CSMD3: variants seen among roughly 807,000 people sequenced by gnomAD.
CSMD3 encodes CUB and Sushi multiple domains 3.
CSMD3 carries 177 observed loss-of-function variants against 435.2 expected under a neutral mutation model. That is an observed-to-expected ratio of 0.41 (90% CI 0.36 to 0.46). The LOEUF (loss-of-function observed/expected upper bound fraction) is 0.46, where lower values mean the gene tolerates loss of function less well. CSMD3 is among the 20% of genes least tolerant of loss of function. The probability of loss-of-function intolerance (pLI) is 0.34; values close to 1 mark genes in which losing one functional copy is unlikely to be tolerated. For missense variants in CSMD3, 4,265 were observed against 4,504.6 expected (o/e 0.95, Z 1.52); for synonymous variants, 1,656 against 1,520.5 (o/e 1.09, Z -2.07).
intron 1 of CSMD3, chr8:113,377,231 C>A (rs960703002): frequency 5.9e-6 from 5 of 840,450 alleles, no homozygotes; most frequent in Non-Finnish European, 7.7e-6. Flanking sequence ...AAGGGCCAGC[C>A]GAGGATACAA....
chr8:113,110,531 C>T (rs899253827), intron 4 of CSMD3, among the ~76,000 whole-genome samples: 7 of 152,186 alleles, frequency 4.6e-5, no homozygotes, highest in African/African-American at 1.7e-4. Context: ...TAATGTCCAT[C>T]TGAGACCTCA....
chr8:112,970,291 T>G (rs953308882), intron 7 of CSMD3, among the ~76,000 whole-genome samples: 1 of 149,804 alleles, frequency 6.7e-6, no homozygotes, highest in African/African-American at 2.5e-5. Context: ...TATTTTAAGT[T>G]AAATATTAAC....
At chr8:113,378,845 A>G (rs1469945172) in intron 1 of CSMD3, among the ~76,000 whole-genome samples, 2 of 151,902 alleles carry the variant, frequency 1.3e-5, no homozygotes, top group Admixed American at 6.6e-5. Flanking sequence ...AACATTCTTC[A>G]GTGCAGAAGA....
At chr8:113,054,065 T>G (rs2088211440) in intron 5 of CSMD3, among the ~76,000 whole-genome samples, 1 of 152,200 alleles carries the variant, frequency 6.6e-6, no homozygotes, top group Non-Finnish European at 1.5e-5. Context: ...TAGAACTATA[T>G]GGAAAACTTT....
intron 2 of CSMD3, among the ~76,000 whole-genome samples, chr8:113,302,971 G>A (rs1375642400): frequency 2.6e-5 from 3 of 115,718 alleles, no homozygotes; most frequent in Non-Finnish European, 5.2e-5. Flanking sequence ...AAGTCAAATT[G>A]TCCCTGTTTG....
chr8:113,111,806 G>C (rs1286909013), intron 4 of CSMD3, among the ~76,000 whole-genome samples: 1 of 152,068 alleles, frequency 6.6e-6, no homozygotes, highest in Non-Finnish European at 1.5e-5. Flanking sequence ...TCAGCTTGCT[G>C]AGTAGCTGAG....
chr8:113,301,324 G>A (rs1048092510), intron 2 of CSMD3, among the ~76,000 whole-genome samples: 5 of 152,028 alleles, frequency 3.3e-5, no homozygotes, highest in Admixed American at 2.6e-4. Flanking sequence ...TATAGTAATA[G>A]AGAATATAGA....
rs572028011 is a variant in CSMD3 at position 112,450,325 on chromosome 8, A to G, written c.5395+22266T>C. Among the ~76,000 whole-genome samples, 6 of 152,308 alleles carry G rather than the reference A, an allele frequency of 3.9e-5. No individual in the cohort carries two copies. The South Asian group carries it at 1.0e-3, about 26-fold the overall frequency. ...TGCACAACTAATTGCATTTTCTTACATTGTAATTAATATACAGAATGGTGT... is the reference window on the plus strand; with the variant it reads ...TGCACAACTAATTGCATTTTCTTACGTTGTAATTAATATACAGAATGGTGT... On this transcript the variant is annotated intron_variant, in intron 32 of 70. Transcript: ENST00000297405.
At chr8:113,196,984 G>A (rs1044836157) in intron 3 of CSMD3, among the ~76,000 whole-genome samples, 9 of 150,968 alleles carry the variant, frequency 6.0e-5, no homozygotes, top group Non-Finnish European at 1.2e-4. Context: ...TTTCTTACTT[G>A]TTTTATTAAG....
chr8:113,116,812 T>C lies in CSMD3; in HGVS notation c.710-17849A>G, dbSNP rs185430268. On this transcript the variant is annotated intron_variant, in intron 4 of 70. Coordinates refer to ENST00000297405, the MANE Select transcript of CSMD3 (RefSeq NM_198123.2). ...AAGTCCAGGCTGAGGTGGTCTCAGA[T>C]AGAGATGGGGAACTTGTTGGGAACT... Among the ~76,000 whole-genome samples, 313 of 152,270 alleles carry C rather than the reference T, an allele frequency of 2.1e-3. 1 individual carries two copies. Among genetic ancestry groups the C allele is most frequent in the Non-Finnish European group, 2.7e-3 (184 of 68,028 alleles).
chr8:112,552,826 C>CTTTAAAGTATACATTTGTATAAACT, intron 25 of CSMD3, 106 bp from the exon 26 acceptor site: 1 of 990,070 alleles, frequency 1.0e-6, no homozygotes, highest in South Asian at 1.3e-5. Context: ...TTTCTTGTTT[C>CTTTAAAGTATACATTTGTATAAACT]TTTAAAGTAT....
Position 112,336,739 on chromosome 8 carries a change from C to T in CSMD3, c.6932G>A (p.Trp2311Ter). Reference sequence around the variant, plus strand: ...ATTCCCAGGGGGTACTCTTACAAGCCAAAAACAATCTTGAAAGTTTGGATA... The same window carrying T: ...ATTCCCAGGGGGTACTCTTACAAGCTAAAAACAATCTTGAAAGTTTGGATA... ...DEYPNFQDCF[W>*]LVRVPPGNGI... The change falls in exon 44 of 71, where the codon TGG (tryptophan) becomes TAG (stop). Residue 2311 changes from tryptophan (W) to a stop codon, truncating the protein, a stop_gained. Coordinates refer to ENST00000297405, the MANE Select transcript of CSMD3 (RefSeq NM_198123.2). LOFTEE classifies it high-confidence loss of function. The T allele has an allele frequency of 6.2e-7, 1 of 1,612,974 alleles. No homozygotes were observed. The highest frequency in any genetic ancestry group is 8.5e-7 in the Non-Finnish European group (1 of 1,179,200).
At chr8:113,344,981 A>C (rs2094142527) in intron 1 of CSMD3, among the ~76,000 whole-genome samples, 1 of 152,080 alleles carries the variant, frequency 6.6e-6, no homozygotes, top group Non-Finnish European at 1.5e-5. Flanking sequence ...AGATTTCATA[A>C]GTCATGTGTC....
In CSMD3 at chr8:112,989,528, C is replaced by T. The variant is rs1032533073; in HGVS notation, c.1031-13380G>A. Among the ~76,000 whole-genome samples the T allele has an allele frequency of 7.2e-5, 11 of 151,920 alleles. No homozygotes were observed. The East Asian group carries it at 9.7e-4, about 13-fold the overall frequency. ...ATGCAATGGTGAGCATGGGAGATAA[C>T]GTGAACAAAGGGATAAACAATTAAC... On this transcript the variant is annotated intron_variant, in intron 6 of 70. Transcript: ENST00000297405.
chr8:113,383,754 C>T (rs940475309), intron 1 of CSMD3, among the ~76,000 whole-genome samples: 10 of 152,142 alleles, frequency 6.6e-5, no homozygotes, highest in Non-Finnish European at 1.5e-4. Context: ...GTTTGCACCA[C>T]AGGGGCAGTT....
chr8:112,782,977 A>G (rs1171788312), intron 13 of CSMD3, among the ~76,000 whole-genome samples: 1 of 152,084 alleles, frequency 6.6e-6, no homozygotes, highest in Non-Finnish European at 1.5e-5. Context: ...AAAAATGTTA[A>G]TAAGTGATAA....
rs1824475796 is a variant in CSMD3, at chr8:112,335,530, T to C, written c.7020-56A>G. On this transcript the variant is annotated intron_variant, in intron 44 of 70. Coordinates refer to ENST00000297405, the MANE Select transcript of CSMD3 (RefSeq NM_198123.2). ...GATCAAGATTGATTGTGGAAGTAGT[T>C]TTGAACCGTATTTAATAAAAGTATT... The C allele has an allele frequency of 2.7e-6, 4 of 1,473,962 alleles. No individual in the cohort carries two copies. In the Admixed American group the frequency reaches 6.7e-5, roughly 25 times the overall value. The allele number at this position is 1,473,962 out of a possible 1,614,324, so 91.3% of individuals were successfully genotyped here. A position where few individuals can be genotyped will look rare whatever the true frequency, so the allele number is the denominator to read the frequency against.
At chr8:112,937,954 A>G (rs1282972915) in intron 9 of CSMD3, among the ~76,000 whole-genome samples, 1 of 152,152 alleles carries the variant, frequency 6.6e-6, no homozygotes, top group East Asian at 1.9e-4. Context: ...ACACAAGTAA[A>G]TTTTATTCAA....
intron 24 of CSMD3, among the ~76,000 whole-genome samples, chr8:112,572,946 A>T (rs1829654384): frequency 6.6e-6 from 1 of 152,104 alleles, no homozygotes; most frequent in African/African-American, 2.4e-5. Context: ...TTAGTGTTTG[A>T]ACTTCAACTT....
Sources: allele counts gnomAD v4.1 joint callset (sites outside exome capture counted in the v4.1 genomes callset), GRCh38; gene constraint gnomAD v4.1.1; transcripts MANE v1.5; gene names NCBI Gene and HGNC (gene_info 2026-07-23, HGNC 2026-07-21).